The following KCNB2 variants were observed in gnomAD, a reference collection of about 807,000 sequenced individuals.
KCNB2 encodes potassium voltage-gated channel subfamily B member 2, also known as delayed rectifier potassium channel protein.
KCNB2 carries 15 observed loss-of-function variants against 61.5 expected under a neutral mutation model. That is an observed-to-expected ratio of 0.24 (90% CI 0.16 to 0.38). The LOEUF is 0.38. KCNB2 is among the 10% of genes least tolerant of loss of function. KCNB2 has a pLI of 1.00. For missense variants in KCNB2, 828 were observed against 1,125.2 expected, an observed-to-expected ratio of 0.74 and a Z score of 3.78; for synonymous variants, 457 against 446.0, an observed-to-expected ratio of 1.02 and a Z score of -0.31.
intron 2 of KCNB2, among the ~76,000 whole-genome samples, chr8:72,821,766 C>G (rs189454126): frequency 6.6e-6 from 1 of 151,226 alleles, no homozygotes; most frequent in Admixed American, 6.6e-5. Flanking sequence ...TCACAGGTAA[C>G]GAATGAAAGG....
At chr8:72,775,616 C>G (rs1585886400) in intron 2 of KCNB2, among the ~76,000 whole-genome samples, 1 of 152,042 alleles carries the variant, frequency 6.6e-6, no homozygotes, top group South Asian at 2.1e-4. Context: ...AATGGCAACA[C>G]CCCTCAGCCT....
chr8:72,638,143 A>T (rs976172777), intron 2 of KCNB2, among the ~76,000 whole-genome samples: 1 of 152,050 alleles, frequency 6.6e-6, no homozygotes, highest in Non-Finnish European at 1.5e-5. Context: ...CCTTTCCCCC[A>T]CCATCGTAGA....
At chr8:72,715,108 T>C (rs866783623) in intron 2 of KCNB2, among the ~76,000 whole-genome samples, 2 of 152,138 alleles carry the variant, frequency 1.3e-5, no homozygotes, top group South Asian at 4.1e-4. Context: ...CAAGAAGAAC[T>C]AACTATCCTA....
chr8:72,581,938 T>TG (rs1260104036), intron 2 of KCNB2, among the ~76,000 whole-genome samples: 1 of 152,200 alleles, frequency 6.6e-6, no homozygotes, highest in African/African-American at 2.4e-5. Context: ...GAGCTTGATC[T>TG]GACCCCCAGG....
chr8:72,911,428 C>T (rs1806288944), intron 2 of KCNB2, among the ~76,000 whole-genome samples: 1 of 152,242 alleles, frequency 6.6e-6, no homozygotes, highest in Admixed American at 6.5e-5. Context: ...CATGCACATG[C>T]GTGCAGGGGC....
chr8:72,755,802 G>A (rs1204577795), intron 2 of KCNB2, among the ~76,000 whole-genome samples: 1 of 152,164 alleles, frequency 6.6e-6, no homozygotes, highest in African/African-American at 2.4e-5. Context: ...TTCCATTCTT[G>A]AAAGTTCATT....
rs112446841 is a variant in KCNB2 at position 72,817,414 on chromosome 8, G to C, written c.580-118521G>C. Among the ~76,000 whole-genome samples, 1,326 of 152,196 alleles carry C rather than the reference G, an allele frequency of 8.7e-3. 19 individuals carry two copies. Among genetic ancestry groups the C allele is most frequent in the South Asian group, 8.7e-3 (42 of 4,822 alleles). ...AATCAGAAAGAGACATAGCAAAACAGCCCAGATAGTCATTGATTTTTCTGT... is the reference window on the plus strand; with the variant it reads ...AATCAGAAAGAGACATAGCAAAACACCCCAGATAGTCATTGATTTTTCTGT... On this transcript the variant is annotated intron_variant, in intron 2 of 2. Coordinates refer to ENST00000523207, the MANE Select transcript of KCNB2 (RefSeq NM_004770.3).
chr8:72,605,980 A>G (rs1263662445), intron 2 of KCNB2, among the ~76,000 whole-genome samples: 2 of 152,202 alleles, frequency 1.3e-5, no homozygotes, highest in Non-Finnish European at 2.9e-5. Flanking sequence ...TTAATTGAAG[A>G]AAAGTAAATT....
chr8:72,788,856 A>G (rs965987674), intron 2 of KCNB2, among the ~76,000 whole-genome samples: 1 of 152,196 alleles, frequency 6.6e-6, no homozygotes, highest in East Asian at 1.9e-4. Flanking sequence ...GGACTAACAT[A>G]ACACTGCTTA....
chr8:72,867,183 A>C lies in KCNB2; in HGVS notation c.580-68752A>C, dbSNP rs887436568. Among the ~76,000 whole-genome samples the C allele has an allele frequency of 3.9e-5, 6 of 151,938 alleles. No individual in the cohort carries two copies. The East Asian group carries it at 1.2e-3, about 29-fold the overall frequency. On this transcript the variant is annotated intron_variant, in intron 2 of 2. Coordinates refer to ENST00000523207, the MANE Select transcript of KCNB2 (RefSeq NM_004770.3). ...AACCTTCTTAATTTTCCTGTATTTT[A>C]GACAGTATCTACACAAGTAACACCT...
intron 2 of KCNB2, among the ~76,000 whole-genome samples, chr8:72,921,300 A>G (rs1478309627): frequency 1.3e-5 from 2 of 152,128 alleles, no homozygotes; most frequent in Non-Finnish European, 2.9e-5. Context: ...TTTTTAAAAA[A>G]TGCTGATTAA....
chr8:72,746,686 C>T (rs1490330083), intron 2 of KCNB2, among the ~76,000 whole-genome samples: 1 of 152,132 alleles, frequency 6.6e-6, no homozygotes, highest in Non-Finnish European at 1.5e-5. Flanking sequence ...GATTGCACTG[C>T]TCTTTGAACG....
chr8:72,894,596 G>A (rs1002078243), intron 2 of KCNB2, among the ~76,000 whole-genome samples: 1 of 151,264 alleles, frequency 6.6e-6, no homozygotes, highest in Admixed American at 6.6e-5. Context: ...CTTGCAGCGT[G>A]ACCCACATTT....
At chr8:72,887,216 A>G (rs960168346) in intron 2 of KCNB2, among the ~76,000 whole-genome samples, 2 of 152,182 alleles carry the variant, frequency 1.3e-5, no homozygotes, top group Non-Finnish European at 2.9e-5. Context: ...AGAATGGCCT[A>G]TTTGTCTAAT....
chr8:72,833,264 A>C (rs73686542), intron 2 of KCNB2, among the ~76,000 whole-genome samples: 1 of 152,178 alleles, frequency 6.6e-6, no homozygotes, highest in Non-Finnish European at 1.5e-5. Context: ...TTTGATCAGC[A>C]TGAAGAGATG....
chr8:72,717,076 A>G (rs1585849431), intron 2 of KCNB2, among the ~76,000 whole-genome samples: 1 of 151,860 alleles, frequency 6.6e-6, no homozygotes, highest in African/African-American at 2.4e-5. Flanking sequence ...GCTTCAAAGG[A>G]ATAAAATACC....
chr8:72,608,699 A>G (rs1805493567), intron 2 of KCNB2, among the ~76,000 whole-genome samples: 1 of 152,162 alleles, frequency 6.6e-6, no homozygotes, highest in Admixed American at 6.5e-5. Flanking sequence ...AGAAATTACA[A>G]TGGAGTCTCT....
At chr8:72,787,991 T>C (rs1808870805) in intron 2 of KCNB2, among the ~76,000 whole-genome samples, 1 of 152,176 alleles carries the variant, frequency 6.6e-6, no homozygotes, top group Non-Finnish European at 1.5e-5. Flanking sequence ...GCAAGCTGCT[T>C]AACTACTCTG....
rs571674191 is a variant in KCNB2, at chr8:72,862,435, AT to A, written c.580-73491del. 3.9e-3 allele frequency among the ~76,000 whole-genome samples: 595 copies of A among 151,576 alleles called. 3 individuals carry two copies. Among genetic ancestry groups the A allele is most frequent in the African/African-American group, 0.014 (571 of 41,406 alleles). On this transcript the variant is annotated intron_variant, in intron 2 of 2. Coordinates refer to ENST00000523207, the MANE Select transcript of KCNB2 (RefSeq NM_004770.3). ...ACTGTATAGTCCATTCCTTTCTACA[AT>A]TTTTTTTTACACAAAACCTAAGAAT...
Sources: allele counts gnomAD v4.1 joint callset (sites outside exome capture counted in the v4.1 genomes callset), GRCh38; gene constraint gnomAD v4.1.1; transcripts MANE v1.5; gene names NCBI Gene and HGNC (gene_info 2026-07-23, HGNC 2026-07-21).